Variants in TSGA10 observed in about 807,000 individuals in gnomAD.
TSGA10 encodes the protein testis specific 10.
TSGA10 carries 43 observed loss-of-function variants against 96.6 expected under a neutral mutation model. The ratio of observed to expected loss-of-function variants is 0.44; its 90% CI spans 0.35 to 0.57. The LOEUF (loss-of-function observed/expected upper bound fraction) is 0.57. TSGA10 is among the 20% of genes least tolerant of loss of function. The pLI is 0.01. For missense variants in TSGA10, 703 were observed against 834.4 expected, an observed-to-expected ratio of 0.84 and a Z score of 1.94; for synonymous variants, 229 against 269.9, an observed-to-expected ratio of 0.85 and a Z score of 1.48.
At chr2:99,105,233 T>C in intron 9 of TSGA10, 126 bp downstream of exon 9, 1 of 699,794 alleles carries the variant, frequency 1.4e-6, no homozygotes, top group South Asian at 2.7e-5. Flanking sequence ...ATACCTTAAG[T>C]ATTTTAGGAC....
chr2:99,101,330 A>T (rs2090708852), intron 10 of TSGA10, among the ~76,000 whole-genome samples: 1 of 151,688 alleles, frequency 6.6e-6, no homozygotes, highest in Non-Finnish European at 1.5e-5. Context: ...TCTGTTAATA[A>T]AAAGATACTT....
intron 10 of TSGA10, among the ~76,000 whole-genome samples, chr2:99,083,046 TG>T (rs1183525747): frequency 6.6e-6 from 1 of 151,006 alleles, no homozygotes; most frequent in Non-Finnish European, 1.5e-5. Context: ...AATAAAACAA[TG>T]AAAAAATACA....
At chr2:99,135,612 T>C (rs1381744045) in intron 1 of TSGA10, among the ~76,000 whole-genome samples, 1 of 152,224 alleles carries the variant, frequency 6.6e-6, no homozygotes, top group African/African-American at 2.4e-5. Context: ...CCTGCCTACA[T>C]TCATTATCCT....
intron 16 of TSGA10, among the ~76,000 whole-genome samples, chr2:99,054,448 G>C (rs1353551598): frequency 6.6e-6 from 1 of 152,142 alleles, no homozygotes; most frequent in Non-Finnish European, 1.5e-5. Context: ...TCTTGACATT[G>C]ACCAGGGTAG....
chr2:99,128,099 A>G (rs1169132365), intron 1 of TSGA10, among the ~76,000 whole-genome samples: 1 of 152,180 alleles, frequency 6.6e-6, no homozygotes, highest in Non-Finnish European at 1.5e-5. Context: ...AGCATCTTAG[A>G]TCTTTCCTCA....
intron 10 of TSGA10, among the ~76,000 whole-genome samples, chr2:99,087,906 C>A (rs1240284224): frequency 6.6e-6 from 1 of 152,106 alleles, no homozygotes; most frequent in East Asian, 1.9e-4. Context: ...CACAAACAGG[C>A]ACTCAACATC....
chr2:99,077,482 A>AAGCCTTGTT, intron 12 of TSGA10, among the ~76,000 whole-genome samples: 1 of 152,226 alleles, frequency 6.6e-6, no homozygotes, highest in Admixed American at 6.5e-5. Flanking sequence ...AAAACAGCTT[A>AAGCCTTGTT]GGAACTGCTT....
chr2:99,110,889 A>G lies in TSGA10; in HGVS notation c.-113T>C, dbSNP rs2091745386. On this transcript the variant is annotated 5_prime_UTR_variant, in exon 5 of 21. Transcript: ENST00000393483. ...TTATTGTATCTTCCAATACTATAAT[A>G]TTATTTTGCTGGCAAATGAGATCAA... The G allele has an allele frequency of 1.3e-6, 1 of 763,750 alleles. No homozygotes were observed. The highest frequency in any genetic ancestry group is 1.9e-5 in the African/African-American group (1 of 52,674). The allele number at this position is 763,750 out of a possible 1,614,324, so 47.3% of individuals were successfully genotyped here.
intron 8 of TSGA10, 40 bp downstream of exon 8, chr2:99,105,487 G>T (rs199691890): frequency 6.2e-7 from 1 of 1,613,082 alleles, no homozygotes; most frequent in Non-Finnish European, 8.5e-7. Context: ...CCCTGAATTT[G>T]TGTTTCACAT....
At chr2:99,080,823 TA>T (rs1213957380) in intron 11 of TSGA10, among the ~76,000 whole-genome samples, 2 of 152,134 alleles carry the variant, frequency 1.3e-5, no homozygotes, top group African/African-American at 4.8e-5. Flanking sequence ...TAAGAAACTT[TA>T]AAAAAGTAAC....
intron 9 of TSGA10, among the ~76,000 whole-genome samples, chr2:99,104,901 T>C (rs2091177643): frequency 6.6e-6 from 1 of 152,254 alleles, no homozygotes; most frequent in Non-Finnish European, 1.5e-5. Flanking sequence ...CATCAATATA[T>C]ATTCGTAGCA....
At chr2:99,140,111 C>T (rs931827441) in intron 1 of TSGA10, among the ~76,000 whole-genome samples, 2 of 152,146 alleles carry the variant, frequency 1.3e-5, no homozygotes, top group Non-Finnish European at 2.9e-5. Flanking sequence ...ATTGTGGAAG[C>T]TGCCATTAAA....
intron 12 of TSGA10, among the ~76,000 whole-genome samples, chr2:99,076,303 A>T (rs1306754940): frequency 6.6e-6 from 1 of 152,174 alleles, no homozygotes; most frequent in Non-Finnish European, 1.5e-5. Context: ...ATAGCTCTCA[A>T]CACTGTTTTC....
At chr2:99,100,950 C>A (rs1426655250) in intron 10 of TSGA10, among the ~76,000 whole-genome samples, 1 of 133,930 alleles carries the variant, frequency 7.5e-6, no homozygotes, top group Admixed American at 7.6e-5. Context: ...ATAAATTAGG[C>A]TGGGTGAAAA....
intron 10 of TSGA10, among the ~76,000 whole-genome samples, chr2:99,087,436 G>A (rs2088669169): frequency 6.6e-6 from 1 of 152,130 alleles, no homozygotes; most frequent in Non-Finnish European, 1.5e-5. Flanking sequence ...AACCCGGGAG[G>A]CGGAGGTTGC....
chr2:99,004,704 A>T (rs2078301413), intron 20 of TSGA10, among the ~76,000 whole-genome samples: 1 of 152,186 alleles, frequency 6.6e-6, no homozygotes, highest in African/African-American at 2.4e-5. Context: ...GCCGAATTCT[A>T]CCAGAGGTAC....
chr2:99,109,544 T>C lies in TSGA10; in HGVS notation c.-73-32A>G, dbSNP rs1015382840. Reference sequence around the variant, plus strand: ...GGAGATTTATTTTGTGCTTTTTCAGTATCTAAAATTATCTTGCCAAAGAGG... The same window carrying C: ...GGAGATTTATTTTGTGCTTTTTCAGCATCTAAAATTATCTTGCCAAAGAGG... On this transcript the variant is annotated intron_variant, in intron 5 of 20. Coordinates refer to ENST00000393483, the MANE Select transcript of TSGA10 (RefSeq NM_025244.4). 2.8e-5 allele frequency: 40 copies of C among 1,450,986 alleles called. No individual in the cohort carries two copies. In the African/African-American group the frequency reaches 5.5e-4, roughly 20 times the overall value. The allele number at this position is 1,450,986 out of a possible 1,614,324, so 89.9% of individuals were successfully genotyped here.
Position 99,122,269 on chromosome 2 carries a change from G to A in TSGA10, c.-491-3583C>T, listed in dbSNP as rs1218036032. 3.3e-5 allele frequency among the ~76,000 whole-genome samples: 5 copies of A among 152,150 alleles called. No individual in the cohort carries two copies. In the East Asian group the frequency reaches 9.7e-4, roughly 29 times the overall value. ...GTTGATTTATTTATAGTGTTTCTGA[G>A]TGTAACTCTTGTTTGATCTTTTTCT... On this transcript the variant is annotated intron_variant, in intron 2 of 20. Coordinates refer to ENST00000393483, the MANE Select transcript of TSGA10 (RefSeq NM_025244.4).
At chr2:99,094,965 C>A (rs1273292632) in intron 10 of TSGA10, among the ~76,000 whole-genome samples, 2 of 152,074 alleles carry the variant, frequency 1.3e-5, no homozygotes, top group African/African-American at 4.8e-5. Context: ...TATAGCAGCA[C>A]AATTAGCAAT....
Sources: allele counts gnomAD v4.1 joint callset (sites outside exome capture counted in the v4.1 genomes callset), GRCh38; gene constraint gnomAD v4.1.1; transcripts MANE v1.5; gene names NCBI Gene and HGNC (gene_info 2026-07-23, HGNC 2026-07-21).